Variants in SDK1 observed in about 807,000 individuals in gnomAD.
SDK1 encodes the protein protein sidekick-1.
In SDK1, 157 loss-of-function variants were observed where a neutral mutation model predicts 245.5. That is an observed-to-expected ratio of 0.64 (90% CI 0.56 to 0.73). SDK1 has a LOEUF of 0.73. Ranked by LOEUF, SDK1 falls within the 30% of genes least tolerant of loss-of-function variation. SDK1 has a pLI of 0.00. For synonymous variants in SDK1, 1,647 were observed against 1,278.5 expected, an observed-to-expected ratio of 1.29 and a Z score of -6.15; for missense variants, 3,583 against 3,002.3, an observed-to-expected ratio of 1.19 and a Z score of -4.52.
At position 4,006,994 on chromosome 7, in the gene SDK1, A is replaced by T. The variant is rs76020137; in HGVS notation, c.2132-3972A>T. On this transcript the variant is annotated intron_variant, in intron 14 of 44. Transcript: ENST00000404826. ...TAATCGCCTCAGTCACCTGGTTTCAACAGTTGTCCTCTTGACTGTCTCTTT... is the reference window on the plus strand; with the variant it reads ...TAATCGCCTCAGTCACCTGGTTTCATCAGTTGTCCTCTTGACTGTCTCTTT... 5.1e-3 allele frequency among the ~76,000 whole-genome samples: 776 copies of T among 152,348 alleles called. 3 individuals are homozygous for T. Among genetic ancestry groups the T allele is most frequent in the African/African-American group, 0.018 (757 of 41,582 alleles).
rs375885890 is a variant in SDK1, at chr7:4,217,605, C to T, written c.5540-2504C>T. ...ACGCCACCCGGAGCACCAGGCCACC[C>T]GGAGAACCACACCACCCGGAGCACC... On this transcript the variant is annotated intron_variant, in intron 38 of 44. Transcript: ENST00000404826. Among the ~76,000 whole-genome samples, 323 of 150,768 alleles carry T rather than the reference C, an allele frequency of 2.1e-3. 2 individuals are homozygous for T. The highest frequency in any genetic ancestry group is 6.8e-3 in the Middle Eastern group (2 of 292).
At chr7:3,439,638 A>C (rs1280100310) in intron 1 of SDK1, among the ~76,000 whole-genome samples, 1 of 152,254 alleles carries the variant, frequency 6.6e-6, no homozygotes, top group Non-Finnish European at 1.5e-5. Context: ...TTAAAAAGTC[A>C]GTACATTTCT....
At chr7:4,123,056 G>A (rs1398484386) in intron 25 of SDK1, among the ~76,000 whole-genome samples, 1 of 152,150 alleles carries the variant, frequency 6.6e-6, no homozygotes, top group Non-Finnish European at 1.5e-5. Flanking sequence ...CTCCAGGGAC[G>A]GGGTTGGCTC....
At chr7:4,045,474 G>A (rs1788952214) in intron 17 of SDK1, among the ~76,000 whole-genome samples, 1 of 151,942 alleles carries the variant, frequency 6.6e-6, no homozygotes, top group Non-Finnish European at 1.5e-5. Context: ...TCAACCTCCT[G>A]GGCTCAAGCG....
Position 3,852,776 on chromosome 7 carries a change from A to AAT in SDK1, c.847+31193_847+31194insAT, listed in dbSNP as rs1554271425. Reference sequence around the variant, plus strand: ...AAAAAAAAAAAAAAAAAAAAAAAAAATTTTTTTCCTTGAAATTTGCTTTTA... The same window carrying AAT: ...AAAAAAAAAAAAAAAAAAAAAAAAAAATTTTTTTTCCTTGAAATTTGCTTTTA... On this transcript the variant is annotated intron_variant, in intron 5 of 44. Coordinates refer to ENST00000404826, the MANE Select transcript of SDK1 (RefSeq NM_152744.4). Among the ~76,000 whole-genome samples the AAT allele has an allele frequency of 2.5e-4, 36 of 142,700 alleles. 1 individual carries two copies. Among genetic ancestry groups the AAT allele is most frequent in the African/African-American group, 8.6e-4 (33 of 38,332 alleles). 93.6% of individuals were successfully genotyped at this position (142,700 alleles called of 152,430 possible). A position where few individuals can be genotyped will look rare whatever the true frequency, so the allele number is the denominator to read the frequency against.
chr7:3,993,781 A>C (rs573058798), intron 14 of SDK1, among the ~76,000 whole-genome samples: 4 of 152,062 alleles, frequency 2.6e-5, no homozygotes, highest in African/African-American at 9.6e-5. Flanking sequence ...TTCTGCCTCA[A>C]AGGACTGAGC....
At chr7:4,226,295 C>G (rs140845071) in intron 40 of SDK1, among the ~76,000 whole-genome samples, 1 of 152,304 alleles carries the variant, frequency 6.6e-6, no homozygotes, top group African/African-American at 2.4e-5. Context: ...CAGGCAGCCC[C>G]TCTGGCCCAC....
intron 4 of SDK1, among the ~76,000 whole-genome samples, chr7:3,644,671 G>A (rs532559841): frequency 2.0e-5 from 3 of 150,648 alleles, no homozygotes; most frequent in South Asian, 4.2e-4. Context: ...TACTTGGGAG[G>A]CTGAGGTAGG....
intron 1 of SDK1, among the ~76,000 whole-genome samples, chr7:3,341,627 C>T (rs981877549): frequency 6.6e-6 from 1 of 152,132 alleles, no homozygotes; most frequent in Non-Finnish European, 1.5e-5. Flanking sequence ...AGGATCAACA[C>T]AAAAACCATG....
intron 4 of SDK1, among the ~76,000 whole-genome samples, chr7:3,735,265 T>G (rs754264085): frequency 6.6e-6 from 1 of 152,326 alleles, no homozygotes; most frequent in Admixed American, 6.5e-5. Context: ...AACCCATCTT[T>G]AGAACTTTTT....
At position 4,266,872 on chromosome 7, in the gene SDK1, C is replaced by T; in HGVS notation, c.*1488C>T. ...TCAAGACCACCCTGTCAGTGCCCCC[C>T]AGTGCACGGCAAACGGGCAGGTGCC... On this transcript the variant is annotated 3_prime_UTR_variant, in exon 45 of 45. Transcript: ENST00000404826. 9.1e-6 allele frequency: 9 copies of T among 985,518 alleles called. No homozygotes were observed. The highest frequency in any genetic ancestry group is 1.1e-5 in the Non-Finnish European group (9 of 829,996). The allele number at this position is 985,518 out of a possible 1,614,324, so 61.0% of individuals were successfully genotyped here. A position where few individuals can be genotyped will look rare whatever the true frequency, so the allele number is the denominator to read the frequency against.
chr7:3,543,229 C>A (rs1044631404), intron 1 of SDK1, among the ~76,000 whole-genome samples: 3 of 152,210 alleles, frequency 2.0e-5, no homozygotes, highest in African/African-American at 7.2e-5. Context: ...AGAGAACTTG[C>A]CATTGAAATG....
At chr7:4,227,213 G>A (rs143826201) in intron 40 of SDK1, 206 of 321,616 alleles carry the variant, frequency 6.4e-4, no homozygotes, top group African/African-American at 4.3e-3. Flanking sequence ...AGCAAGAGGG[G>A]GCTGTTGCCA....
At chr7:3,923,751 G>T (rs1472212114) in intron 5 of SDK1, among the ~76,000 whole-genome samples, 1 of 152,228 alleles carries the variant, frequency 6.6e-6, no homozygotes, top group Non-Finnish European at 1.5e-5. Flanking sequence ...GCACTTTCAC[G>T]AGGCATTTGC....
intron 5 of SDK1, among the ~76,000 whole-genome samples, chr7:3,860,431 T>C (rs558776583): frequency 6.6e-6 from 1 of 152,324 alleles, no homozygotes; most frequent in African/African-American, 2.4e-5. Flanking sequence ...AGTTGACTTT[T>C]CATCTAGGAA....
intron 1 of SDK1, among the ~76,000 whole-genome samples, chr7:3,608,875 C>T (rs1781503231): frequency 6.6e-6 from 1 of 152,156 alleles, no homozygotes; most frequent in Non-Finnish European, 1.5e-5. Flanking sequence ...TTTGAAAAGG[C>T]AATTAAAATA....
intron 5 of SDK1, among the ~76,000 whole-genome samples, chr7:3,931,576 C>T: frequency 6.6e-6 from 1 of 152,142 alleles, no homozygotes; most frequent in South Asian, 2.1e-4. Flanking sequence ...GCGGGAAATC[C>T]TTGCTTTCTA....
At chr7:4,129,304 G>T (rs1470252011) in intron 26 of SDK1, among the ~76,000 whole-genome samples, 3 of 145,082 alleles carry the variant, frequency 2.1e-5, no homozygotes, top group African/African-American at 7.6e-5. Context: ...AGCTCGGGGT[G>T]GGGTCCCCTG....
At chr7:3,755,609 C>A (rs1779899760) in intron 4 of SDK1, among the ~76,000 whole-genome samples, 1 of 152,126 alleles carries the variant, frequency 6.6e-6, no homozygotes, top group African/African-American at 2.4e-5. Flanking sequence ...ACCTCCACAG[C>A]CAAAATACAG....
Sources: gnomAD v4.1 joint callset for allele counts (sites outside exome capture counted in the v4.1 genomes callset) on GRCh38, gnomAD v4.1.1 for gene constraint, MANE v1.5 for transcripts, NCBI Gene and HGNC (gene_info 2026-07-23, HGNC 2026-07-21) for gene names.